The following HERPUD2 variants were observed in gnomAD, a reference collection of about 807,000 sequenced individuals.
HERPUD2 encodes the protein HERPUD family member 2.
A neutral mutation model predicts 49.9 loss-of-function variants in HERPUD2; 13 were observed. The observed-to-expected ratio is 0.26, with a 90% CI of 0.17 to 0.41. The LOEUF (loss-of-function observed/expected upper bound fraction) is 0.41. Ranked by LOEUF, HERPUD2 falls within the 10% of genes least tolerant of loss-of-function variation. The pLI is 1.00. For synonymous variants in HERPUD2, 172 were observed against 171.4 expected (o/e 1.00, Z -0.03); for missense variants, 449 against 492.2 (o/e 0.91, Z 0.83).
At chr7:35,679,039 C>T (rs1019268320) in intron 2 of HERPUD2, among the ~76,000 whole-genome samples, 3 of 152,072 alleles carry the variant, frequency 2.0e-5, no homozygotes, top group Non-Finnish European at 2.9e-5. Context: ...TTCACGGAAA[C>T]AATAGGTCAC....
At chr7:35,674,328 T>C (rs1363577137) in intron 2 of HERPUD2, among the ~76,000 whole-genome samples, 1 of 145,424 alleles carries the variant, frequency 6.9e-6, no homozygotes, top group South Asian at 2.2e-4. Flanking sequence ...AACTCCTATA[T>C]ATAAACAATC....
intron 5 of HERPUD2, 22 bp from the exon 6 acceptor site, chr7:35,638,494 C>G (rs767366493): frequency 6.2e-7 from 1 of 1,610,044 alleles, no homozygotes; most frequent in East Asian, 2.2e-5. Context: ...AAATAATGAG[C>G]TCTTTTAATG....
At chr7:35,678,237 A>AT (rs1167452538) in intron 2 of HERPUD2, among the ~76,000 whole-genome samples, 1 of 125,194 alleles carries the variant, frequency 8.0e-6, no homozygotes, top group African/African-American at 2.7e-5. Flanking sequence ...ACTTCACATT[A>AT]TTAAAAAAAA....
intron 6 of HERPUD2, among the ~76,000 whole-genome samples, chr7:35,637,997 T>C (rs1429509816): frequency 6.6e-6 from 1 of 152,238 alleles, no homozygotes; most frequent in Non-Finnish European, 1.5e-5. Context: ...TAGCTGCACT[T>C]GAGCCCTACA....
At chr7:35,680,795 C>T (rs1162588178) in intron 2 of HERPUD2, among the ~76,000 whole-genome samples, 6 of 152,218 alleles carry the variant, frequency 3.9e-5, no homozygotes, top group Admixed American at 2.0e-4. Flanking sequence ...ACACAAACCA[C>T]AACCTGTAAT....
intron 2 of HERPUD2, among the ~76,000 whole-genome samples, chr7:35,680,673 T>A (rs1785863813): frequency 6.6e-6 from 1 of 152,212 alleles, no homozygotes; most frequent in Non-Finnish European, 1.5e-5. Flanking sequence ...ACCTGACTCT[T>A]AATCACCTTT....
At chr7:35,663,632 A>C (rs533090862) in intron 5 of HERPUD2, among the ~76,000 whole-genome samples, 3 of 152,224 alleles carry the variant, frequency 2.0e-5, no homozygotes, top group Non-Finnish European at 4.4e-5. Flanking sequence ...CCTCTTGTTG[A>C]ATTGATCCCT....
chr7:35,678,663 C>G (rs1785817150), intron 2 of HERPUD2, among the ~76,000 whole-genome samples: 1 of 152,150 alleles, frequency 6.6e-6, no homozygotes. Flanking sequence ...TTAATTTTGC[C>G]TTCTCTACGA....
At chr7:35,680,893 C>G (rs1283383754) in intron 2 of HERPUD2, among the ~76,000 whole-genome samples, 1 of 152,224 alleles carries the variant, frequency 6.6e-6, no homozygotes, top group Non-Finnish European at 1.5e-5. Flanking sequence ...GTTCCCACAG[C>G]CCACTACTGT....
At chr7:35,682,188 G>A (rs1394234086) in intron 2 of HERPUD2, among the ~76,000 whole-genome samples, 3 of 149,694 alleles carry the variant, frequency 2.0e-5, no homozygotes, top group Admixed American at 6.7e-5. Flanking sequence ...ACAGGCATGC[G>A]TTATCACGCC....
At chr7:35,675,118 T>C (rs1478032555) in intron 2 of HERPUD2, among the ~76,000 whole-genome samples, 3 of 152,140 alleles carry the variant, frequency 2.0e-5, no homozygotes, top group Non-Finnish European at 2.9e-5. Context: ...CCTCAACCTG[T>C]GGAATCTATC....
At chr7:35,689,506 G>C (rs1022816991) in intron 2 of HERPUD2, among the ~76,000 whole-genome samples, 7 of 152,276 alleles carry the variant, frequency 4.6e-5, no homozygotes, top group African/African-American at 1.4e-4. Flanking sequence ...AAAACTAAGA[G>C]AGATAAAATT....
At chr7:35,661,221 C>G (rs1476718408) in intron 5 of HERPUD2, among the ~76,000 whole-genome samples, 1 of 151,930 alleles carries the variant, frequency 6.6e-6, no homozygotes, top group East Asian at 1.9e-4. Context: ...GGGCTCTATT[C>G]TGTTCCACTA....
chr7:35,682,394 C>A (rs541916128), intron 2 of HERPUD2, among the ~76,000 whole-genome samples: 1 of 114,730 alleles, frequency 8.7e-6, no homozygotes, highest in Admixed American at 8.9e-5. Flanking sequence ...TATACTTAAT[C>A]GGCATACAAG....
At chr7:35,645,682 T>C (rs1412493500) in intron 5 of HERPUD2, among the ~76,000 whole-genome samples, 2 of 152,218 alleles carry the variant, frequency 1.3e-5, no homozygotes, top group Non-Finnish European at 2.9e-5. Context: ...ATTGTTTCAC[T>C]TAAAGTTGCA....
intron 5 of HERPUD2, among the ~76,000 whole-genome samples, chr7:35,641,812 A>G (rs1784971473): frequency 6.6e-6 from 1 of 152,318 alleles, no homozygotes; most frequent in East Asian, 1.9e-4. Context: ...CAAAAAATCA[A>G]CTCAAGATGG....
chr7:35,660,424 C>G (rs1785389328), intron 5 of HERPUD2, among the ~76,000 whole-genome samples: 1 of 152,146 alleles, frequency 6.6e-6, no homozygotes, highest in South Asian at 2.1e-4. Flanking sequence ...AATGGTATTT[C>G]TAGTTCTAGA....
At chr7:35,652,274 G>A (rs918415031) in intron 5 of HERPUD2, among the ~76,000 whole-genome samples, 2 of 152,166 alleles carry the variant, frequency 1.3e-5, no homozygotes, top group Non-Finnish European at 2.9e-5. Flanking sequence ...TTCTAATAAA[G>A]TTTCCTTTTT....
intron 5 of HERPUD2, among the ~76,000 whole-genome samples, chr7:35,650,907 C>G (rs1211265241): frequency 6.6e-6 from 1 of 152,208 alleles, no homozygotes; most frequent in Non-Finnish European, 1.5e-5. Flanking sequence ...TGAGATCAAG[C>G]CAGCCTGGCC....
Sources: gnomAD v4.1 joint callset for allele counts (sites outside exome capture counted in the v4.1 genomes callset) on GRCh38, gnomAD v4.1.1 for gene constraint, MANE v1.5 for transcripts, NCBI Gene and HGNC (gene_info 2026-07-23, HGNC 2026-07-21) for gene names.